TANGO6: variants seen among roughly 807,000 people sequenced by gnomAD.
TANGO6 encodes the protein transport and Golgi organization protein 6 homolog.
In TANGO6, 90 loss-of-function variants were observed where a neutral mutation model predicts 114.2. The observed-to-expected ratio is 0.79, with a 90% CI of 0.66 to 0.94. The LOEUF is 0.94. TANGO6 is among the 40% of genes least tolerant of loss of function. TANGO6 has a pLI of 0.00. For synonymous variants in TANGO6, 477 were observed against 509.8 expected (o/e 0.94, Z 0.87); for missense variants, 1,274 against 1,315.3 (o/e 0.97, Z 0.49).
chr16:68,860,698 G>A (rs770737843), intron 2 of TANGO6, among the ~76,000 whole-genome samples, 174 bp downstream of exon 2: 25 of 152,166 alleles, frequency 1.6e-4, no homozygotes, highest in South Asian at 6.2e-4. Flanking sequence ...TCATTTATTG[G>A]GTTCTCGTCC....
In TANGO6 at chr16:68,878,141, A is replaced by C; in HGVS notation, c.1155A>C (p.Gln385His). Reference protein sequence around the residue: ...CPQVLDLFHFQDKLTARQFQR... With the variant: ...CPQVLDLFHFHDKLTARQFQR... ...AGGTTCTGGATTTATTTCACTTTCAAGATAAATTGACAGCACGACAATTTC... is the reference window on the plus strand; with the variant it reads ...AGGTTCTGGATTTATTTCACTTTCACGATAAATTGACAGCACGACAATTTC... The change falls in exon 6 of 18, where the codon CAA becomes CAC. Residue 385 changes from glutamine to histidine, a missense_variant. Gln to His is a conservative substitution (Grantham distance 24, BLOSUM62 0). This residue lies in a region of TANGO6 where 908 missense variants were observed against 910.2 expected (regional missense o/e 1.00). Transcript: ENST00000261778. The C allele has an allele frequency of 6.2e-7, 1 of 1,610,580 alleles. No homozygotes were observed. Among genetic ancestry groups the C allele is most frequent in the Non-Finnish European group, 8.5e-7 (1 of 1,178,788 alleles).
At chr16:68,980,653 C>T (rs1015642358) in intron 15 of TANGO6, among the ~76,000 whole-genome samples, 5 of 151,208 alleles carry the variant, frequency 3.3e-5, no homozygotes, top group Non-Finnish European at 4.4e-5. Flanking sequence ...ACTTTAGGTG[C>T]GTGCCACCAC....
intron 15 of TANGO6, among the ~76,000 whole-genome samples, chr16:68,989,702 G>C (rs1479715702): frequency 2.6e-5 from 4 of 152,116 alleles, no homozygotes; most frequent in Non-Finnish European, 5.9e-5. Flanking sequence ...ATATTATGTT[G>C]CAGAAACTGT....
chr16:68,866,361 C>T (rs1308898229), intron 3 of TANGO6, among the ~76,000 whole-genome samples: 4 of 152,020 alleles, frequency 2.6e-5, no homozygotes, highest in Non-Finnish European at 4.4e-5. Context: ...CGGTGGCTCA[C>T]GCCTGTAATC....
intron 14 of TANGO6, among the ~76,000 whole-genome samples, chr16:68,945,707 A>T (rs1249977903): frequency 1.3e-5 from 2 of 150,216 alleles, no homozygotes; most frequent in East Asian, 3.9e-4. Context: ...TTTTTTTGAG[A>T]TGGAGTCTCA....
At chr16:68,996,696 C>T (rs1963993259) in intron 15 of TANGO6, among the ~76,000 whole-genome samples, 1 of 152,070 alleles carries the variant, frequency 6.6e-6, no homozygotes, top group South Asian at 2.1e-4. Context: ...TCCCTTTTTT[C>T]AGTAACTGAT....
At chr16:68,859,460 C>T (rs776406692) in intron 1 of TANGO6, among the ~76,000 whole-genome samples, 11 of 152,158 alleles carry the variant, frequency 7.2e-5, no homozygotes, top group African/African-American at 2.7e-4. Flanking sequence ...CATGAGCTGC[C>T]GCACCTGGCC....
At chr16:68,847,726 G>A (rs891160496) in intron 1 of TANGO6, among the ~76,000 whole-genome samples, 15 of 152,288 alleles carry the variant, frequency 9.8e-5, no homozygotes, top group South Asian at 8.3e-4. Flanking sequence ...CAGGCTGAGC[G>A]CGGTAGCTCA....
chr16:68,930,869 T>G (rs1214387302), intron 14 of TANGO6, among the ~76,000 whole-genome samples: 3 of 152,162 alleles, frequency 2.0e-5, no homozygotes, highest in African/African-American at 7.2e-5. Flanking sequence ...ACTCCTGACC[T>G]CCAGTGATCC....
intron 1 of TANGO6, chr16:68,846,439 A>G: frequency 3.6e-6 from 1 of 279,830 alleles, no homozygotes; most frequent in South Asian, 2.8e-5. Context: ...ATGTAACTGG[A>G]AAAGGGAGGA....
At chr16:69,003,258 A>G (rs1964061220) in intron 15 of TANGO6, among the ~76,000 whole-genome samples, 1 of 152,194 alleles carries the variant, frequency 6.6e-6, no homozygotes, top group South Asian at 2.1e-4. Context: ...AATCACACCT[A>G]AGGTAGCTCA....
intron 1 of TANGO6, among the ~76,000 whole-genome samples, chr16:68,857,817 T>A (rs1346722499): frequency 6.6e-6 from 1 of 152,206 alleles, no homozygotes; most frequent in African/African-American, 2.4e-5. Flanking sequence ...GTGTACTATT[T>A]TATAAGTTTA....
intron 7 of TANGO6, among the ~76,000 whole-genome samples, chr16:68,895,235 G>C (rs536163361): frequency 6.6e-5 from 10 of 152,146 alleles, no homozygotes; most frequent in Non-Finnish European, 1.0e-4. Context: ...AGTAGTCTCA[G>C]CTACTCGGGA....
At chr16:68,900,366 G>C in intron 7 of TANGO6, 68 bp from the exon 8 acceptor site, 1 of 1,245,056 alleles carries the variant, frequency 8.0e-7, no homozygotes, top group Non-Finnish European at 1.2e-6. Flanking sequence ...CTAGGTGTTT[G>C]GTGTGTGATT....
chr16:68,922,320 G>A (rs1469336370), intron 12 of TANGO6, among the ~76,000 whole-genome samples: 2 of 151,506 alleles, frequency 1.3e-5, no homozygotes, highest in African/African-American at 4.8e-5. Flanking sequence ...GGTGGATCAC[G>A]AGGTCAGGAG....
At chr16:68,966,793 A>G (rs1456949165) in intron 14 of TANGO6, among the ~76,000 whole-genome samples, 5 of 116,106 alleles carry the variant, frequency 4.3e-5, no homozygotes, top group South Asian at 5.3e-4. Context: ...TTTTTTTTTG[A>G]GACAGTCTCG....
intron 3 of TANGO6, among the ~76,000 whole-genome samples, chr16:68,864,692 A>G (rs892197131): frequency 6.6e-6 from 1 of 152,194 alleles, no homozygotes; most frequent in Admixed American, 6.5e-5. Flanking sequence ...AGTAATTTTC[A>G]TCTCATCCTT....
chr16:68,916,132 C>CA (rs1287430390), intron 11 of TANGO6, among the ~76,000 whole-genome samples: 2 of 152,130 alleles, frequency 1.3e-5, no homozygotes, highest in Non-Finnish European at 2.9e-5. Flanking sequence ...TAGGAACAGT[C>CA]TTAATCCTTT....
chr16:68,866,262 G>A (rs113921352), intron 3 of TANGO6, among the ~76,000 whole-genome samples: 9 of 150,666 alleles, frequency 6.0e-5, no homozygotes, highest in African/African-American at 1.7e-4. Context: ...TTTTTTTAAG[G>A]AAAAAATGTT....
Sources: gnomAD v4.1 joint callset for allele counts (sites outside exome capture counted in the v4.1 genomes callset) on GRCh38, gnomAD v4.1.1 for gene constraint, gnomAD v4.1.1 regional missense constraint, MANE v1.5 for transcripts, NCBI Gene and HGNC (gene_info 2026-07-23, HGNC 2026-07-21) for gene names.